CNTN5: variants seen among roughly 807,000 people sequenced by gnomAD.
The protein encoded by CNTN5 is contactin 5.
CNTN5 carries 77 observed loss-of-function variants against 129.1 expected under a neutral mutation model. The ratio of observed to expected loss-of-function variants is 0.60; its 90% confidence interval spans 0.50 to 0.72. The LOEUF (loss-of-function observed/expected upper bound fraction) is 0.72. Ranked by LOEUF, CNTN5 falls within the 30% of genes least tolerant of loss-of-function variation. The probability of loss-of-function intolerance (pLI) is 0.00; values close to 1 mark genes in which losing one functional copy is unlikely to be tolerated. For missense variants in CNTN5, 1,478 were observed against 1,328.8 expected, an observed-to-expected ratio of 1.11 and a Z score of -1.75; for synonymous variants, 509 against 465.6, an observed-to-expected ratio of 1.09 and a Z score of -1.20.
chr11:99,481,280 A>G (rs1226751716), intron 2 of CNTN5, among the ~76,000 whole-genome samples: 3 of 152,136 alleles, frequency 2.0e-5, no homozygotes, highest in African/African-American at 7.2e-5. Flanking sequence ...ACATCATATC[A>G]TGCTAATTAA....
intron 8 of CNTN5, among the ~76,000 whole-genome samples, chr11:99,969,888 C>G (rs147716087): frequency 6.6e-4 from 100 of 152,082 alleles, no homozygotes; most frequent in Non-Finnish European, 1.1e-3. Flanking sequence ...TTTCAAAACT[C>G]CACTCCTCAC....
intron 4 of CNTN5, among the ~76,000 whole-genome samples, chr11:99,827,670 C>T (rs1947008216): frequency 6.6e-6 from 1 of 152,164 alleles, no homozygotes; most frequent in African/African-American, 2.4e-5. Context: ...ATAACTTACA[C>T]ATAGCTTTGT....
chr11:99,277,861 G>T (rs540509605), intron 1 of CNTN5, among the ~76,000 whole-genome samples: 2 of 151,736 alleles, frequency 1.3e-5, no homozygotes, highest in East Asian at 3.9e-4. Flanking sequence ...AGAAGTATTT[G>T]TAAAACCAAG....
At chr11:100,295,265 G>A (rs760880617) in intron 18 of CNTN5, among the ~76,000 whole-genome samples, 19 of 151,362 alleles carry the variant, frequency 1.3e-4, no homozygotes, top group South Asian at 2.1e-4. Flanking sequence ...AAAACCTCAC[G>A]GAGCTGATTT....
intron 2 of CNTN5, among the ~76,000 whole-genome samples, chr11:99,334,053 T>A (rs1866117186): frequency 6.6e-6 from 1 of 151,640 alleles, no homozygotes; most frequent in South Asian, 2.1e-4. Flanking sequence ...AATCAAGAGC[T>A]GAAAATTAAA....
At chr11:100,273,601 C>A (rs1950447839) in intron 18 of CNTN5, among the ~76,000 whole-genome samples, 1 of 152,084 alleles carries the variant, frequency 6.6e-6, no homozygotes. Context: ...GTGCCCTGCC[C>A]CCAGCCAACA....
At chr11:99,934,741 T>C (rs1214626515) in intron 7 of CNTN5, among the ~76,000 whole-genome samples, 2 of 151,238 alleles carry the variant, frequency 1.3e-5, no homozygotes, top group Non-Finnish European at 2.9e-5. Flanking sequence ...AAAAATTAGC[T>C]GGGTGTGGTG....
chr11:99,212,586 G>A (rs1565407183), intron 1 of CNTN5, among the ~76,000 whole-genome samples: 1 of 151,852 alleles, frequency 6.6e-6, no homozygotes, highest in Admixed American at 6.6e-5. Context: ...GTACATAAAC[G>A]GACCTCCCAT....
rs577068322 is a variant in CNTN5, at chr11:99,566,082, C to G, written c.55+9813C>G. 3.3e-5 allele frequency among the ~76,000 whole-genome samples: 5 copies of G among 152,100 alleles called. No homozygotes were observed. In the South Asian group the frequency reaches 1.0e-3, roughly 32 times the overall value. On this transcript the variant is annotated intron_variant, in intron 3 of 24. Coordinates refer to ENST00000524871, the MANE Select transcript of CNTN5 (RefSeq NM_014361.4). ...GCAAATCTCGTGTTGAAATGTAATCCCCCATTTTGGAGGTGAGGTCTAGTG... is the reference window on the plus strand; with the variant it reads ...GCAAATCTCGTGTTGAAATGTAATCGCCCATTTTGGAGGTGAGGTCTAGTG...
chr11:99,807,418 G>C (rs1240512631), intron 3 of CNTN5, among the ~76,000 whole-genome samples: 1 of 152,078 alleles, frequency 6.6e-6, no homozygotes, highest in Non-Finnish European at 1.5e-5. Context: ...ATAGGGATAG[G>C]GTTGAAGAAG....
intron 3 of CNTN5, among the ~76,000 whole-genome samples, chr11:99,559,044 C>T (rs1948758950): frequency 6.6e-6 from 1 of 152,016 alleles, no homozygotes. Flanking sequence ...GGTGGAGCCC[C>T]TATTCTGCTT....
rs139401898 is a variant in CNTN5, at chr11:99,340,635, A to C, written c.-71+15151A>C. ...CTAAGAGCTTTTGCAATGGCGTAGAAGTTATGGTTGAACTGAAAGCCTGGT... is the reference window on the plus strand; with the variant it reads ...CTAAGAGCTTTTGCAATGGCGTAGACGTTATGGTTGAACTGAAAGCCTGGT... On this transcript the variant is annotated intron_variant, in intron 2 of 24. Transcript: ENST00000524871. Among the ~76,000 whole-genome samples, 1,368 of 152,302 alleles carry C rather than the reference A, an allele frequency of 9.0e-3. 13 individuals carry two copies. The highest frequency in any genetic ancestry group is 0.03 in the African/African-American group (1,251 of 41,564).
At chr11:99,444,542 C>T (rs1231984036) in intron 2 of CNTN5, among the ~76,000 whole-genome samples, 1 of 152,124 alleles carries the variant, frequency 6.6e-6, no homozygotes, top group Non-Finnish European at 1.5e-5. Flanking sequence ...GATTATCTAT[C>T]CTTTATTCTT....
At chr11:100,015,110 A>G (rs1341782957) in intron 9 of CNTN5, among the ~76,000 whole-genome samples, 1 of 152,178 alleles carries the variant, frequency 6.6e-6, no homozygotes, top group African/African-American at 2.4e-5. Context: ...GAATTAAGTC[A>G]TTTATCAATG....
At position 100,072,990 on chromosome 11, in the gene CNTN5, C is replaced by CAAAAAAAA. The variant is rs61042118; in HGVS notation, c.1430-1140_1430-1133dup. On this transcript the variant is annotated intron_variant, in intron 12 of 24. Coordinates refer to ENST00000524871, the MANE Select transcript of CNTN5 (RefSeq NM_014361.4). The stretch of plus-strand genomic sequence containing the variant: ...TTTTGTAAATTCTATTCCCAGGAGG[C>CAAAAAAAA]AAAAAAAAAAAAAAAAAAAAAGTTA... Among the ~76,000 whole-genome samples, 182 of 79,042 alleles carry CAAAAAAAA rather than the reference C, an allele frequency of 2.3e-3. 9 individuals are homozygous for CAAAAAAAA. Among genetic ancestry groups the CAAAAAAAA allele is most frequent in the East Asian group, 0.011 (21 of 1,998 alleles). The allele number at this position is 79,042 out of a possible 152,430, so 51.9% of individuals were successfully genotyped here.
intron 23 of CNTN5, among the ~76,000 whole-genome samples, chr11:100,342,354 G>A (rs1401098152): frequency 6.6e-6 from 1 of 152,064 alleles, no homozygotes; most frequent in South Asian, 2.1e-4. Context: ...AGGGATAGCA[G>A]GCGAGAAATA....
At chr11:99,792,682 T>C (rs1945795193) in intron 3 of CNTN5, among the ~76,000 whole-genome samples, 1 of 152,016 alleles carries the variant, frequency 6.6e-6, no homozygotes, top group Admixed American at 6.6e-5. Context: ...TGGAGTAGTT[T>C]CATTGGAATG....
At chr11:100,067,922 T>A (rs942577253) in intron 10 of CNTN5, among the ~76,000 whole-genome samples, 3 of 152,148 alleles carry the variant, frequency 2.0e-5, no homozygotes, top group Non-Finnish European at 2.9e-5. Context: ...GAAAAATTTG[T>A]TTTGGAATCA....
At chr11:99,799,231 C>T (rs1946040886) in intron 3 of CNTN5, among the ~76,000 whole-genome samples, 1 of 151,538 alleles carries the variant, frequency 6.6e-6, no homozygotes, top group Non-Finnish European at 1.5e-5. Context: ...TATTTCAGTG[C>T]CTTTTATTTC....
Sources: gnomAD v4.1 joint callset for allele counts (sites outside exome capture counted in the v4.1 genomes callset) on GRCh38, gnomAD v4.1.1 for gene constraint, MANE v1.5 for transcripts, NCBI Gene and HGNC (gene_info 2026-07-23, HGNC 2026-07-21) for gene names.